The following ERICH1 variants were observed in gnomAD, a reference collection of about 807,000 sequenced individuals.
ERICH1 encodes the protein glutamate-rich protein 1.
ERICH1 carries 56 observed loss-of-function variants against 39.6 expected under a neutral mutation model. The observed-to-expected ratio is 1.41, with a 90% CI of 1.14 to 1.77. The LOEUF is 1.77. ERICH1 is among the 40% of genes most tolerant of loss of function. ERICH1 has a pLI of 0.00. For synonymous variants in ERICH1, 313 were observed against 223.6 expected, an observed-to-expected ratio of 1.40 and a Z score of -3.57; for missense variants, 826 against 575.4, an observed-to-expected ratio of 1.44 and a Z score of -4.45.
chr8:678,733 G>C (rs1361757961), intron 3 of ERICH1, among the ~76,000 whole-genome samples: 3 of 152,166 alleles, frequency 2.0e-5, no homozygotes, highest in African/African-American at 7.2e-5. Flanking sequence ...GCTTGAACCT[G>C]GGAGGCGGAG....
intron 3 of ERICH1, among the ~76,000 whole-genome samples, chr8:635,764 CGT>C (rs144042044): frequency 3.3e-5 from 5 of 152,040 alleles, no homozygotes; most frequent in African/African-American, 7.2e-5. Flanking sequence ...GCTCCCCCAG[CGT>C]GTGTGTGTGT....
At position 668,829 on chromosome 8, in the gene ERICH1, G is replaced by A. The variant is rs773030046; in HGVS notation, c.1064-37C>T. The A allele has an allele frequency of 7.1e-6, 11 of 1,542,708 alleles. No individual in the cohort carries two copies. In the East Asian group the frequency reaches 1.8e-4, roughly 25 times the overall value. On this transcript the variant is annotated intron_variant, in intron 4 of 5. Transcript: ENST00000262109. ...CAGTTTTGCTTGGAAATACAGTTTTGTTTTTATTTCTATAAACTAAAGATA... is the reference window on the plus strand; with the variant it reads ...CAGTTTTGCTTGGAAATACAGTTTTATTTTTATTTCTATAAACTAAAGATA...
At chr8:625,347 C>G (rs112025712) in intron 3 of ERICH1, among the ~76,000 whole-genome samples, 1 of 152,140 alleles carries the variant, frequency 6.6e-6, no homozygotes, top group Non-Finnish European at 1.5e-5. Context: ...GAAACCACGA[C>G]GCTGAGTTAA....
At chr8:631,706 C>T (rs1584964673) in intron 3 of ERICH1, among the ~76,000 whole-genome samples, 1 of 152,164 alleles carries the variant, frequency 6.6e-6, no homozygotes, top group Non-Finnish European at 1.5e-5. Flanking sequence ...TTCAGCGGCA[C>T]TGAGCGCTTC....
intron 3 of ERICH1, among the ~76,000 whole-genome samples, chr8:631,528 G>C (rs552006971): frequency 2.6e-5 from 4 of 152,302 alleles, no homozygotes; most frequent in African/African-American, 7.2e-5. Context: ...CGGATTGGGC[G>C]AGAAGTCTTG....
chr8:705,973 T>C (rs1813187478), intron 2 of ERICH1, among the ~76,000 whole-genome samples: 1 of 152,170 alleles, frequency 6.6e-6, no homozygotes, highest in South Asian at 2.1e-4. Flanking sequence ...ACCCTGAAGA[T>C]GATAACGCTG....
chr8:687,474 G>C (rs1049835630), intron 3 of ERICH1, among the ~76,000 whole-genome samples: 1 of 152,254 alleles, frequency 6.6e-6, no homozygotes, highest in African/African-American at 2.4e-5. Flanking sequence ...CAAACGCTAA[G>C]CGTGTGGGTC....
chr8:633,673 T>C (rs888231174), intron 3 of ERICH1, among the ~76,000 whole-genome samples: 6 of 152,174 alleles, frequency 3.9e-5, no homozygotes, highest in Non-Finnish European at 8.8e-5. Flanking sequence ...ACCGTCCTGA[T>C]ATAAAGGTGG....
At chr8:661,586 G>C (rs1801430394), downstream of ERICH1, among the ~76,000 whole-genome samples, 1 of 152,152 alleles carries the variant, frequency 6.6e-6, no homozygotes, top group Non-Finnish European at 1.5e-5. Flanking sequence ...TGAATATTTT[G>C]CACTATTGTA....
At chr8:687,814 G>T (rs576214117) in intron 3 of ERICH1, among the ~76,000 whole-genome samples, 4 of 152,180 alleles carry the variant, frequency 2.6e-5, no homozygotes, top group Admixed American at 2.6e-4. Flanking sequence ...CGGAGGAATC[G>T]GGGGCGAGGC....
rs1563295937 is a variant in ERICH1 at position 699,859 on chromosome 8, G to GCACAGACCCGCACACGCA, written c.170-7248_170-7247insTGCGTGTGCGGGTCTGTG. Among the ~76,000 whole-genome samples the GCACAGACCCGCACACGCA allele has an allele frequency of 7.4e-4, 79 of 106,408 alleles. 3 individuals carry two copies. Among genetic ancestry groups the GCACAGACCCGCACACGCA allele is most frequent in the Non-Finnish European group, 1.5e-3 (73 of 49,752 alleles). 69.8% of individuals were successfully genotyped at this position (106,408 alleles called of 152,430 possible). A position where few individuals can be genotyped will look rare whatever the true frequency, so the allele number is the denominator to read the frequency against. ...CACAGGCGCACAGACCCGCACACGC[G>GCACAGACCCGCACACGCA]CACAGACCCTCACAGGCGCACAGAT... is the stretch of plus-strand genomic sequence containing the variant. On this transcript the variant is annotated intron_variant, in intron 2 of 5. Coordinates refer to ENST00000262109, the MANE Select transcript of ERICH1 (RefSeq NM_207332.3).
Position 721,256 on chromosome 8 carries a change from TA to T in ERICH1, c.23-5250del, listed in dbSNP as rs939435921. Among the ~76,000 whole-genome samples, 532 of 152,362 alleles carry T rather than the reference TA, an allele frequency of 3.5e-3. 1 individual carries two copies. Among genetic ancestry groups the T allele is most frequent in the Non-Finnish European group, 5.6e-3 (382 of 68,036 alleles). ...AAAATAGAAATAATAAAGTATTTTT[TA>T]AAAAATATAATTTTAACTTTTTAAA... On this transcript the variant is annotated intron_variant, in intron 1 of 5. Transcript: ENST00000262109.
rs2923934 is a variant in ERICH1, at chr8:630,589, C to A, written c.977-15305G>T. ...TCTGTGACCACCCACACAGACAGAG[C>A]TGACTCACACCCTCCCGTGAGCACC... On this transcript the variant is annotated intron_variant, in intron 3 of 3. Transcript: ENST00000522706. Among the ~76,000 whole-genome samples the A allele has an allele frequency of 8.1e-3, 790 of 97,488 alleles. 22 individuals are homozygous for A. The highest frequency in any genetic ancestry group is 0.013 in the Admixed American group (120 of 9,536). 64.0% of individuals were successfully genotyped at this position (97,488 alleles called of 152,430 possible). A position where few individuals can be genotyped will look rare whatever the true frequency, so the allele number is the denominator to read the frequency against.
chr8:664,692 C>T lies in ERICH1; in HGVS notation c.1259-16G>A. 6.3e-7 allele frequency: 1 copy of T among 1,579,580 alleles called. No homozygotes were observed. The highest frequency in any genetic ancestry group is 8.6e-7 in the Non-Finnish European group (1 of 1,159,124). On this transcript the variant is annotated splice_polypyrimidine_tract_variant and intron_variant, in intron 5 of 5. Coordinates refer to ENST00000262109, the MANE Select transcript of ERICH1 (RefSeq NM_207332.3). ...CTGGCATGGTCTAGAAAGCAAAAAA[C>T]ACAAAACAAAAAATAAAACAAAGAC...
intron 2 of ERICH1, among the ~76,000 whole-genome samples, chr8:707,489 G>C (rs1361566549): frequency 6.6e-6 from 1 of 152,140 alleles, no homozygotes; most frequent in Non-Finnish European, 1.5e-5. Context: ...CTACAGGTGT[G>C]AGCCACCGCA....
chr8:702,564 G>C (rs951540597), intron 2 of ERICH1, among the ~76,000 whole-genome samples: 10 of 152,178 alleles, frequency 6.6e-5, no homozygotes, highest in African/African-American at 2.4e-4. Flanking sequence ...CTTAGAAGAA[G>C]AAATACAAAT....
At chr8:620,409 A>C (rs1797210116) in intron 3 of ERICH1, among the ~76,000 whole-genome samples, 2 of 152,230 alleles carry the variant, frequency 1.3e-5, no homozygotes, top group South Asian at 4.1e-4. Context: ...GAATCAATTG[A>C]ACAAGTCAAT....
At chr8:617,467 C>G (rs1198696157) in intron 3 of ERICH1, among the ~76,000 whole-genome samples, 1 of 152,216 alleles carries the variant, frequency 6.6e-6, no homozygotes, top group Non-Finnish European at 1.5e-5. Context: ...GTGCTGAGTG[C>G]TTGGTGCTCG....
chr8:705,012 C>T (rs1324811219), intron 2 of ERICH1, among the ~76,000 whole-genome samples: 2 of 152,224 alleles, frequency 1.3e-5, no homozygotes, highest in Non-Finnish European at 2.9e-5. Context: ...CCAAAATGCA[C>T]ATACACCAGT....
Sources: gnomAD v4.1 joint callset for allele counts (sites outside exome capture counted in the v4.1 genomes callset) on GRCh38, gnomAD v4.1.1 for gene constraint, MANE v1.5 for transcripts, NCBI Gene and HGNC (gene_info 2026-07-23, HGNC 2026-07-21) for gene names.